The following SLC1A2 variants were observed in gnomAD, a reference collection of about 807,000 sequenced individuals.
SLC1A2 encodes the protein excitatory amino acid transporter 2.
In SLC1A2, 15 loss-of-function variants were observed where a neutral mutation model predicts 48.8. The ratio of observed to expected loss-of-function variants is 0.31; its 90% CI spans 0.21 to 0.47. The LOEUF (loss-of-function observed/expected upper bound fraction) is 0.47. SLC1A2 is among the 20% of genes least tolerant of loss of function. SLC1A2 has a pLI of 0.99. For missense variants in SLC1A2, 502 were observed against 730.5 expected (o/e 0.69, Z 3.61); for synonymous variants, 279 against 272.6 (o/e 1.02, Z -0.23).
intron 1 of SLC1A2, among the ~76,000 whole-genome samples, chr11:35,325,342 C>T (rs966502104): frequency 2.0e-5 from 3 of 152,182 alleles, no homozygotes; most frequent in Non-Finnish European, 4.4e-5. Flanking sequence ...TTTACCATGT[C>T]GCCTGTGCTC....
intron 4 of SLC1A2, among the ~76,000 whole-genome samples, chr11:35,310,985 G>A (rs1851671896): frequency 6.6e-6 from 1 of 151,916 alleles, no homozygotes; most frequent in South Asian, 2.1e-4. Context: ...GTCCTGACAA[G>A]GACATTTTTA....
intron 7 of SLC1A2, chr11:35,291,420 C>T (rs1363250490): frequency 1.3e-5 from 2 of 152,052 alleles, no homozygotes; most frequent in Non-Finnish European, 2.9e-5. Flanking sequence ...CCCCACCGCA[C>T]CTGGCTAATT....
At chr11:35,358,681 C>G (rs1305959681) in intron 1 of SLC1A2, among the ~76,000 whole-genome samples, 2 of 152,048 alleles carry the variant, frequency 1.3e-5, no homozygotes, top group East Asian at 1.9e-4. Context: ...AAAAGAGAAA[C>G]TAACATGTGA....
Position 35,380,620 on chromosome 11 carries a change from A to G in SLC1A2, c.17+38330T>C, listed in dbSNP as rs555458482. ...TTCCAATCAATTCTGTTCCATCAGG[A>G]ACCCCTCATCTCTTCTGCATAAAGA... On this transcript the variant is annotated intron_variant, in intron 1 of 10. Transcript: ENST00000278379. The G allele has an allele frequency of 7.7e-6, 3 of 390,698 alleles. No individual in the cohort carries two copies. The South Asian group carries it at 4.3e-4, about 56-fold the overall frequency. 24.2% of individuals were successfully genotyped at this position (390,698 alleles called of 1,614,324 possible).
intron 1 of SLC1A2, chr11:35,418,746 T>C (rs1855688847): frequency 3.5e-6 from 2 of 578,168 alleles, no homozygotes; most frequent in African/African-American, 1.9e-5. Context: ...ACCCTCCACC[T>C]CTCGCATTTT....
intron 9 of SLC1A2, among the ~76,000 whole-genome samples, chr11:35,273,496 G>A (rs547993049): frequency 3.2e-4 from 48 of 152,260 alleles, no homozygotes; most frequent in African/African-American, 1.1e-3. Flanking sequence ...CATGTATTGA[G>A]TGCTTGTCAA....
chr11:35,309,145 C>T (rs1851609481), intron 4 of SLC1A2, among the ~76,000 whole-genome samples: 1 of 152,166 alleles, frequency 6.6e-6, no homozygotes, highest in African/African-American at 2.4e-5. Context: ...CCCTAGTTAC[C>T]ACCAGCCTAT....
At chr11:35,317,214 A>C in intron 2 of SLC1A2, 163 bp downstream of exon 2, 3 of 636,374 alleles carry the variant, frequency 4.7e-6, no homozygotes, top group Non-Finnish European at 8.0e-6. Flanking sequence ...TAGAGGAGGT[A>C]AGGAGGAAAA....
chr11:35,308,691 T>A (rs1319704581), intron 4 of SLC1A2, among the ~76,000 whole-genome samples: 3 of 152,070 alleles, frequency 2.0e-5, no homozygotes, highest in Non-Finnish European at 4.4e-5. Context: ...TCCCAAAGGG[T>A]CCACTTATCA....
At chr11:35,343,873 G>A (rs1041842132) in intron 1 of SLC1A2, among the ~76,000 whole-genome samples, 2 of 151,688 alleles carry the variant, frequency 1.3e-5, no homozygotes, top group African/African-American at 4.8e-5. Context: ...TGGTGTATTC[G>A]AAAAACAGAA....
At chr11:35,281,093 A>G in intron 8 of SLC1A2, 92 bp from the exon 9 acceptor site, 3 of 1,435,354 alleles carry the variant, frequency 2.1e-6, no homozygotes, top group Non-Finnish European at 2.7e-6. Flanking sequence ...TCCTGCAGCC[A>G]TAAAATTCAT....
At chr11:35,349,306 C>A (rs189720450) in intron 1 of SLC1A2, among the ~76,000 whole-genome samples, 45 of 152,286 alleles carry the variant, frequency 3.0e-4, no homozygotes, top group Middle Eastern at 3.4e-3. Context: ...CAAAGACCAA[C>A]AGATCACAGA....
intron 1 of SLC1A2, among the ~76,000 whole-genome samples, chr11:35,389,054 G>A (rs76199063): frequency 0.051 from 7,802 of 152,090 alleles, 264 homozygotes; most frequent in Middle Eastern, 0.092. Context: ...ATATACCCAC[G>A]TAACAAACAT....
In SLC1A2 at chr11:35,314,232, C is replaced by T. The variant is rs141521813; in HGVS notation, c.310+791G>A. Among the ~76,000 whole-genome samples, 9 of 152,240 alleles carry T rather than the reference C, an allele frequency of 5.9e-5. No homozygotes were observed. The East Asian group carries it at 1.7e-3, about 29-fold the overall frequency. On this transcript the variant is annotated intron_variant, in intron 3 of 10. Transcript: ENST00000278379. ...TTGGTGGTAGTGAAAAATAAGTGAA[C>T]ATGATGCCACATATTAGGAGTAACT...
Position 35,253,561 on chromosome 11 carries a change from A to C in SLC1A2, c.*7333T>G, listed in dbSNP as rs1164077934. ...AAGGCCTGGTGTCAAACATTTAAAA[A>C]ATCAGCACCATTCCTTGAGTTAGAA... is the stretch of plus-strand genomic sequence containing the variant. On this transcript the variant is annotated 3_prime_UTR_variant, in exon 11 of 11. Transcript: ENST00000278379. 1 of 152,674 alleles carries C rather than the reference A, an allele frequency of 6.5e-6. No individual in the cohort carries two copies. Among genetic ancestry groups the C allele is most frequent in the Non-Finnish European group, 1.5e-5 (1 of 68,040 alleles). 9.5% of individuals were successfully genotyped at this position (152,674 alleles called of 1,614,324 possible). A position where few individuals can be genotyped will look rare whatever the true frequency, so the allele number is the denominator to read the frequency against.
At chr11:35,319,351 A>T (rs1183828978) in intron 1 of SLC1A2, among the ~76,000 whole-genome samples, 1 of 152,216 alleles carries the variant, frequency 6.6e-6, no homozygotes, top group Non-Finnish European at 1.5e-5. Flanking sequence ...TGTCTCCAGC[A>T]AGTAATCTGA....
chr11:35,264,185 A>G (rs1431622167), intron 10 of SLC1A2: 1 of 152,204 alleles, frequency 6.6e-6, no homozygotes, highest in East Asian at 1.9e-4. Flanking sequence ...CCATGTATGT[A>G]TCTTACAAAG....
chr11:35,317,521 A>G lies in SLC1A2; in HGVS notation c.18-5T>C, dbSNP rs768235095. The G allele has an allele frequency of 1.2e-6, 2 of 1,612,464 alleles. No homozygotes were observed. Among genetic ancestry groups the G allele is most frequent in the African/African-American group, 1.3e-5 (1 of 75,052 alleles). On this transcript the variant is annotated splice_polypyrimidine_tract_variant and splice_region_variant and intron_variant, in intron 1 of 10. Coordinates refer to ENST00000278379, the MANE Select transcript of SLC1A2 (RefSeq NM_004171.4). ...TGCTTGGGCATATTGTTGGCACTGG[A>G]ACAGAAGTGAAGGCAGAGATTAGAG...
At chr11:35,374,505 G>A (rs1363372690) in intron 1 of SLC1A2, 2 of 255,190 alleles carry the variant, frequency 7.8e-6, no homozygotes, top group South Asian at 5.1e-5. Flanking sequence ...TGACTTCCCC[G>A]GCCATATTGG....
Sources: gnomAD v4.1 joint callset for allele counts (sites outside exome capture counted in the v4.1 genomes callset) on GRCh38, gnomAD v4.1.1 for gene constraint, MANE v1.5 for transcripts, NCBI Gene and HGNC (gene_info 2026-07-23, HGNC 2026-07-21) for gene names.